Variants in TNS1 observed in about 807,000 individuals in gnomAD.
TNS1 encodes tensin 1, also known as tensin-1.
Under a neutral mutation model 168.6 loss-of-function variants are expected in TNS1, and 62 were observed. The observed-to-expected ratio is 0.37, with a 90% confidence interval of 0.30 to 0.45. The LOEUF is 0.45. TNS1 is among the 20% of genes least tolerant of loss of function. The pLI is 1.00. For synonymous variants in TNS1, 934 were observed against 933.2 expected (o/e 1.00, Z -0.02); for missense variants, 2,240 against 2,339.4 (o/e 0.96, Z 0.88).
intron 20 of TNS1, among the ~76,000 whole-genome samples, chr2:217,835,572 T>C (rs1945053954): frequency 6.6e-6 from 1 of 152,238 alleles, no homozygotes; most frequent in Non-Finnish European, 1.5e-5. Flanking sequence ...TTACTCATGA[T>C]GAAGTTTGAG....
chr2:217,932,503 T>C (rs1956375989), intron 3 of TNS1, among the ~76,000 whole-genome samples: 1 of 152,332 alleles, frequency 6.6e-6, no homozygotes, highest in Admixed American at 6.5e-5. Context: ...AGGTGATTAA[T>C]GGCATTTTCT....
At chr2:217,830,219 G>T in intron 22 of TNS1, 14 of 1,066,328 alleles carry the variant, frequency 1.3e-5, no homozygotes, top group Non-Finnish European at 1.9e-5. Context: ...TCAAGCAGGA[G>T]TGTGCTGGCT....
At chr2:217,889,531 C>T (rs956245220) in intron 12 of TNS1, among the ~76,000 whole-genome samples, 5 of 152,308 alleles carry the variant, frequency 3.3e-5, no homozygotes, top group South Asian at 4.1e-4. Flanking sequence ...TTATCCCGTG[C>T]GTTCACTTGG....
chr2:217,927,927 C>T (rs1956119253), intron 3 of TNS1, among the ~76,000 whole-genome samples: 1 of 152,210 alleles, frequency 6.6e-6, no homozygotes, highest in Non-Finnish European at 1.5e-5. Flanking sequence ...CAGAAGGCCC[C>T]AGTCTCCATG....
chr2:217,805,454 T>TCACACACACCATCACACACACCA lies in TNS1; in HGVS notation c.5376-852_5376-851insTGGTGTGTGTGATGGTGTGTGTG, dbSNP rs1553528617. Among the ~76,000 whole-genome samples, 368 of 38,412 alleles carry TCACACACACCATCACACACACCA rather than the reference T, an allele frequency of 9.6e-3. 4 individuals carry two copies. Among genetic ancestry groups the TCACACACACCATCACACACACCA allele is most frequent in the Middle Eastern group, 0.013 (1 of 78 alleles). The allele number at this position is 38,412 out of a possible 152,430, so 25.2% of individuals were successfully genotyped here. ...ACATGCACCACACACATACACACCA[T>TCACACACACCATCACACACACCA]CACACACACCACCACACACACCACA... On this transcript the variant is annotated intron_variant, in intron 32 of 32. Coordinates refer to ENST00000682258, the MANE Select transcript of TNS1 (RefSeq NM_001387777.1).
At position 217,814,989 on chromosome 2, in the gene TNS1, G is replaced by C. The variant is rs144860480; in HGVS notation, c.4652C>G (p.Pro1551Arg). ...FSKYSMPDNS[P>R]ETRAKVKFVQ... is the part of the protein sequence containing the mutation. Reference sequence around the variant, plus strand: ...AAACTTCACTTTAGCCCGCGTCTCCGGGCTGTTGTCTAAAGCAGGAGAAGG... The same window carrying C: ...AAACTTCACTTTAGCCCGCGTCTCCCGGCTGTTGTCTAAAGCAGGAGAAGG... Residue 1551 changes from proline to arginine, a missense_variant, in exon 25 of 33, where the codon CCG (proline) becomes CGG (arginine). By Grantham distance (103) the Pro-to-Arg change is moderately radical (BLOSUM62 -2). This residue lies in a region of TNS1 where 2,131 missense variants were observed against 2,171.2 expected (regional missense o/e 0.98). Coordinates refer to ENST00000682258, the MANE Select transcript of TNS1 (RefSeq NM_001387777.1). 17 of 1,612,034 alleles carry C rather than the reference G, an allele frequency of 1.1e-5. No individual in the cohort carries two copies. The highest frequency in any genetic ancestry group is 3.3e-4 in the Middle Eastern group (2 of 6,082).
intron 4 of TNS1, among the ~76,000 whole-genome samples, chr2:217,916,793 A>T (rs1370809419): frequency 6.6e-6 from 1 of 152,168 alleles, no homozygotes; most frequent in African/African-American, 2.4e-5. Context: ...AGAGGTCCTA[A>T]TCCCAGGGGT....
At chr2:217,956,299 G>A (rs72951950) in intron 3 of TNS1, among the ~76,000 whole-genome samples, 122 of 152,060 alleles carry the variant, frequency 8.0e-4, no homozygotes, top group African/African-American at 2.8e-3. Flanking sequence ...CACCGCACCC[G>A]GCCACTCTTT....
intron 18 of TNS1, chr2:217,859,329 AAC>A: frequency 5.3e-6 from 2 of 376,422 alleles, no homozygotes; most frequent in Non-Finnish European, 9.5e-6. Context: ...CCAGCTGCTG[AAC>A]AATAAGGTGG....
intron 19 of TNS1, among the ~76,000 whole-genome samples, chr2:217,838,050 CAGA>C (rs759729016): frequency 7.9e-5 from 12 of 152,224 alleles, no homozygotes; most frequent in African/African-American, 1.9e-4. Flanking sequence ...ATAATTGTGA[CAGA>C]AGAAGCCCAT....
In TNS1 at chr2:217,818,756, A is replaced by G; in HGVS notation, c.3576T>C (p.Thr1192=). 8 of 1,604,930 alleles carry G rather than the reference A, an allele frequency of 5.0e-6. No individual in the cohort carries two copies. Among genetic ancestry groups the G allele is most frequent in the Non-Finnish European group, 6.8e-6 (8 of 1,174,740 alleles). ...TSSPILSADS[T]SVGSFPSGES... is the part of the protein sequence containing the mutation. Reference sequence around the variant, plus strand: ...CTCCCGACGGGAAACTCCCCACTGAAGTGCTGCAGAGAGATGGCAGGTTGC... The same window carrying G: ...CTCCCGACGGGAAACTCCCCACTGAGGTGCTGCAGAGAGATGGCAGGTTGC... The change falls in exon 24 of 33, where the codon ACT becomes ACC. Residue 1192 remains threonine (T), a synonymous_variant. Transcript: ENST00000682258.
At chr2:217,832,597 C>T (rs1944593726) in intron 21 of TNS1, among the ~76,000 whole-genome samples, 1 of 152,228 alleles carries the variant, frequency 6.6e-6, no homozygotes, top group African/African-American at 2.4e-5. Context: ...GCAGCAAATG[C>T]TCCACGACCC....
rs528919476 is a variant in TNS1 at position 217,884,956 on chromosome 2, T to C, written c.1246+79A>G. 4.7e-5 allele frequency: 74 copies of C among 1,576,914 alleles called. No individual in the cohort carries two copies. In the African/African-American group the frequency reaches 7.5e-4, roughly 16 times the overall value. On this transcript the variant is annotated intron_variant, in intron 16 of 32. Transcript: ENST00000682258. ...CATGGTCCAGAAAAGATGGTCCCCA[T>C]ACCCACCATATCGTCTCAAACTGAG...
intron 1 of TNS1, among the ~76,000 whole-genome samples, chr2:218,022,310 TGCC>T (rs1224359081): frequency 6.6e-6 from 1 of 152,106 alleles, no homozygotes; most frequent in East Asian, 1.9e-4. Flanking sequence ...TACCCCACCA[TGCC>T]CAGGCCTGAC....
chr2:218,022,748 C>A (rs1443762385), intron 1 of TNS1, among the ~76,000 whole-genome samples: 3 of 132,254 alleles, frequency 2.3e-5, no homozygotes, highest in African/African-American at 8.8e-5. Context: ...CCAGAGGCAG[C>A]TAAAGGGCTT....
chr2:217,996,820 CA>C (rs369982268), intron 1 of TNS1, among the ~76,000 whole-genome samples: 168 of 152,242 alleles, frequency 1.1e-3, no homozygotes, highest in Non-Finnish European at 1.9e-3. Flanking sequence ...TAAGGTCTGG[CA>C]CCTCCACTCA....
chr2:217,819,640 C>T (rs1212652752), intron 23 of TNS1, among the ~76,000 whole-genome samples: 2 of 152,200 alleles, frequency 1.3e-5, no homozygotes, highest in South Asian at 2.1e-4. Context: ...CACAGCAGTA[C>T]AATGTGATGG....
intron 3 of TNS1, among the ~76,000 whole-genome samples, chr2:217,972,181 C>A (rs1957787186): frequency 6.6e-6 from 1 of 152,234 alleles, no homozygotes. Flanking sequence ...CACCATGTTA[C>A]AGATGAAGAA....
chr2:217,896,733 G>A (rs1484116829), intron 8 of TNS1, among the ~76,000 whole-genome samples: 2 of 152,132 alleles, frequency 1.3e-5, no homozygotes, highest in Non-Finnish European at 2.9e-5. Context: ...ATGGATAGTG[G>A]ATACCAAAAT....
Sources: allele counts gnomAD v4.1 joint callset (sites outside exome capture counted in the v4.1 genomes callset), GRCh38; gene constraint gnomAD v4.1.1; regional missense constraint gnomAD v4.1.1; transcripts MANE v1.5; gene names NCBI Gene and HGNC (gene_info 2026-07-23, HGNC 2026-07-21).